Variants in BRINP1 observed in about 807,000 individuals in gnomAD.
BRINP1 encodes BMP/retinoic acid-inducible neural-specific protein 1.
A neutral mutation model predicts 72.9 loss-of-function variants in BRINP1; 17 were observed. That is an observed-to-expected ratio of 0.23 (90% CI 0.16 to 0.35). The LOEUF is 0.35. Among genes scored for constraint, BRINP1 ranks in the 10% least tolerant of loss-of-function variants. BRINP1 has a pLI of 1.00. For missense variants in BRINP1, 850 were observed against 1,001.6 expected, an observed-to-expected ratio of 0.85 and a Z score of 2.04; for synonymous variants, 418 against 378.5, an observed-to-expected ratio of 1.10 and a Z score of -1.21.
chr9:119,352,514 C>T (rs924885244), intron 1 of BRINP1, among the ~76,000 whole-genome samples: 1 of 152,016 alleles, frequency 6.6e-6, no homozygotes, highest in African/African-American at 2.4e-5. Context: ...GCTCACTGAA[C>T]CTCCTGCCTC....
chr9:119,184,195 A>G lies in BRINP1; in HGVS notation c.1146-15971T>C, dbSNP rs184856667. Among the ~76,000 whole-genome samples, 148 of 152,286 alleles carry G rather than the reference A, an allele frequency of 9.7e-4. 1 individual carries two copies. The highest frequency in any genetic ancestry group is 3.2e-3 in the African/African-American group (134 of 41,552). ...TTGCCCTACTTGCTACAAATGCAGA[A>G]TAACAAGCATGGGTGCAAATGGAGA... On this transcript the variant is annotated intron_variant, in intron 7 of 7. Coordinates refer to ENST00000265922, the MANE Select transcript of BRINP1 (RefSeq NM_014618.3).
At chr9:119,267,015 C>T (rs1306311963) in intron 2 of BRINP1, among the ~76,000 whole-genome samples, 2 of 152,122 alleles carry the variant, frequency 1.3e-5, no homozygotes, top group African/African-American at 4.8e-5. Context: ...TGCCACTAGG[C>T]GGTCACTGCA....
chr9:119,205,333 G>A (rs1829842661), intron 7 of BRINP1, among the ~76,000 whole-genome samples: 2 of 152,132 alleles, frequency 1.3e-5, no homozygotes, highest in African/African-American at 4.8e-5. Context: ...TGGAACGCCA[G>A]ACATCCTCTC....
intron 1 of BRINP1, among the ~76,000 whole-genome samples, chr9:119,355,702 C>G (rs892021015): frequency 6.8e-6 from 1 of 147,850 alleles, no homozygotes; most frequent in African/African-American, 2.5e-5. Context: ...GCACTCCAGC[C>G]TGGGCGACAG....
Position 119,167,372 on chromosome 9 carries a change from G to C in BRINP1, c.1998C>G (p.Ala666=), listed in dbSNP as rs148823155. Residue 666 remains alanine (A), a synonymous_variant, in exon 8 of 8, where the codon GCC becomes GCG. Transcript: ENST00000265922. The surrounding 1 kb of genome is among the most constrained non-coding windows in gnomAD (Gnocchi z 4.3). ...QVFGYSLRFN[A]DLLRSAVQQV... ...GCTGCACTGCACTGCGCAGGAGGTC[G>C]GCGTTGAACCTCAGGCTATACCCAA... 6.2e-7 allele frequency: 1 copy of C among 1,614,078 alleles called. No homozygotes were observed. Among genetic ancestry groups the C allele is most frequent in the Admixed American group, 1.7e-5 (1 of 60,014 alleles).
intron 5 of BRINP1, among the ~76,000 whole-genome samples, chr9:119,228,092 A>T (rs1830111052): frequency 6.6e-6 from 1 of 151,968 alleles, no homozygotes; most frequent in African/African-American, 2.4e-5. Context: ...ACTCTTCATC[A>T]GACTGCTCCT....
chr9:119,298,765 T>A (rs1001846832), intron 2 of BRINP1, among the ~76,000 whole-genome samples: 2 of 152,186 alleles, frequency 1.3e-5, no homozygotes, highest in African/African-American at 4.8e-5. Context: ...TTCCAGTCTC[T>A]AACTAGTCTA....
At chr9:119,327,785 A>G (rs896205947) in intron 1 of BRINP1, among the ~76,000 whole-genome samples, 1 of 152,172 alleles carries the variant, frequency 6.6e-6, no homozygotes, top group African/African-American at 2.4e-5. Flanking sequence ...TCATGACAAT[A>G]AAGAATAATG....
intron 2 of BRINP1, among the ~76,000 whole-genome samples, chr9:119,304,090 G>A (rs1325391899): frequency 6.6e-6 from 1 of 151,924 alleles, no homozygotes. Context: ...ATGTTGGCCA[G>A]TCCGGTCTCA....
At chr9:119,270,971 A>G (rs913402949) in intron 2 of BRINP1, among the ~76,000 whole-genome samples, 1 of 152,176 alleles carries the variant, frequency 6.6e-6, no homozygotes, top group Non-Finnish European at 1.5e-5. Context: ...TAAGTATAAG[A>G]AATAAATAAT....
chr9:119,356,700 G>T (rs1354859842), intron 1 of BRINP1, among the ~76,000 whole-genome samples: 1 of 151,780 alleles, frequency 6.6e-6, no homozygotes, highest in Non-Finnish European at 1.5e-5. Context: ...AGCTACTCAG[G>T]AGGCTGAGGC....
chr9:119,337,490 G>A (rs1050794721), intron 1 of BRINP1, among the ~76,000 whole-genome samples: 6 of 152,190 alleles, frequency 3.9e-5, no homozygotes, highest in Admixed American at 1.3e-4. Flanking sequence ...CTAGCCCTGT[G>A]AGTGTCAAAT....
chr9:119,308,810 C>T (rs980044864), intron 2 of BRINP1, among the ~76,000 whole-genome samples: 1 of 152,198 alleles, frequency 6.6e-6, no homozygotes, highest in Admixed American at 6.5e-5. Context: ...GCAGGGAAAA[C>T]CACTCAATAT....
intron 1 of BRINP1, among the ~76,000 whole-genome samples, chr9:119,353,109 A>T (rs1831521887): frequency 6.6e-6 from 1 of 152,180 alleles, no homozygotes; most frequent in Admixed American, 6.5e-5. Context: ...GATTCAGAAC[A>T]TCTATTGATA....
At chr9:119,280,218 A>C (rs1830695593) in intron 2 of BRINP1, among the ~76,000 whole-genome samples, 1 of 150,860 alleles carries the variant, frequency 6.6e-6, no homozygotes, top group Non-Finnish European at 1.5e-5. Flanking sequence ...GACAGTGAGA[A>C]CATGGATGAA....
chr9:119,265,759 A>G (rs1830542308), intron 2 of BRINP1, among the ~76,000 whole-genome samples: 1 of 152,186 alleles, frequency 6.6e-6, no homozygotes. Flanking sequence ...GTTCAAGCGT[A>G]CATGGGCAGG....
intron 1 of BRINP1, among the ~76,000 whole-genome samples, chr9:119,322,342 T>A (rs1235353718): frequency 3.9e-5 from 6 of 152,218 alleles, no homozygotes; most frequent in Admixed American, 6.5e-5. Context: ...ACACTGGCTG[T>A]GGCGTGGTGA....
At chr9:119,174,610 T>TTACTGGGTATATACCCAAAGGATTATAA (rs2118827834) in intron 7 of BRINP1, among the ~76,000 whole-genome samples, 1 of 144,036 alleles carries the variant, frequency 6.9e-6, no homozygotes, top group Non-Finnish European at 1.5e-5. Context: ...AGCCATCCCA[T>TTACTGGGTATATACCCAAAGGATTATAA]TACTGGGTAT....
chr9:119,313,823 T>A (rs779766406), intron 1 of BRINP1, among the ~76,000 whole-genome samples: 14 of 152,308 alleles, frequency 9.2e-5, no homozygotes, highest in African/African-American at 3.4e-4. Context: ...ATACACCCAG[T>A]AAGAGACATA....
Sources: gnomAD v4.1 joint callset for allele counts (sites outside exome capture counted in the v4.1 genomes callset) on GRCh38, gnomAD v4.1.1 for gene constraint, Gnocchi (gnomAD v3.1) non-coding constraint, MANE v1.5 for transcripts, NCBI Gene and HGNC (gene_info 2026-07-23, HGNC 2026-07-21) for gene names.